Variants in KLHDC4 observed in about 807,000 individuals in gnomAD.
KLHDC4 encodes kelch domain containing 4, also known as kelch domain-containing protein 4.
KLHDC4 carries 90 observed loss-of-function variants against 62.4 expected under a neutral mutation model. The observed-to-expected ratio is 1.44, with a 90% CI of 1.22 to 1.72. The LOEUF is 1.72. KLHDC4 is among the 40% of genes most tolerant of loss of function. KLHDC4 has a pLI of 0.00. For synonymous variants in KLHDC4, 386 were observed against 284.4 expected (o/e 1.36, Z -3.59); for missense variants, 1,025 against 699.7 (o/e 1.47, Z -5.25).
At chr16:87,744,657 CTT>C (rs1427764509) in intron 5 of KLHDC4, among the ~76,000 whole-genome samples, 1 of 151,502 alleles carries the variant, frequency 6.6e-6, no homozygotes, top group Non-Finnish European at 1.5e-5. Flanking sequence ...AAAGCAAAGA[CTT>C]TAAGTAAATG....
intron 5 of KLHDC4, among the ~76,000 whole-genome samples, chr16:87,744,123 A>C (rs553170692): frequency 6.6e-6 from 1 of 152,170 alleles, no homozygotes; most frequent in South Asian, 2.1e-4. Flanking sequence ...TACTAAAAAT[A>C]CAAAAATTAA....
At chr16:87,741,897 T>G (rs563278453) in intron 5 of KLHDC4, among the ~76,000 whole-genome samples, 178 of 152,314 alleles carry the variant, frequency 1.2e-3, no homozygotes, top group Non-Finnish European at 2.1e-3. Flanking sequence ...GAATGCGCAG[T>G]GCAGGGCTGC....
At chr16:87,759,735 C>G (rs2004233) in intron 2 of KLHDC4, among the ~76,000 whole-genome samples, 15 of 152,256 alleles carry the variant, frequency 9.9e-5, no homozygotes, top group African/African-American at 3.6e-4. Context: ...AGCTACACTC[C>G]GTCTCAGAAA....
At chr16:87,745,077 G>A (rs1042248428) in intron 5 of KLHDC4, among the ~76,000 whole-genome samples, 4 of 152,246 alleles carry the variant, frequency 2.6e-5, no homozygotes, top group African/African-American at 9.6e-5. Context: ...TACGAAATAA[G>A]AGGAAGCATT....
At chr16:87,753,176 C>T (rs528799788) in intron 4 of KLHDC4, among the ~76,000 whole-genome samples, 1 of 152,180 alleles carries the variant, frequency 6.6e-6, no homozygotes, top group Non-Finnish European at 1.5e-5. Context: ...GAGAAAAAGC[C>T]CTGGAAATCT....
chr16:87,756,267 G>C (rs2143323307), intron 3 of KLHDC4, 132 bp downstream of exon 3: 2 of 664,206 alleles, frequency 3.0e-6, no homozygotes, highest in East Asian at 2.8e-5. Flanking sequence ...CTCACATCAG[G>C]CCTGACGGCT....
rs143381382 is a variant in KLHDC4, at chr16:87,709,419, T to C, written c.1293A>G (p.Pro431=). 5 of 1,612,998 alleles carry C rather than the reference T, an allele frequency of 3.1e-6. No individual in the cohort carries two copies. Among genetic ancestry groups the C allele is most frequent in the African/African-American group, 2.7e-5 (2 of 74,928 alleles). The change falls in exon 10 of 12, where the codon CCA becomes CCG. Residue 431 remains proline (P), a synonymous_variant. Transcript: ENST00000270583. ...EAGSPAPGPC[P]RSNAMLAVKH... is the part of the protein sequence containing the mutation. ...TCACAGCCAGCATGGCGTTGGAGCG[T>C]GGACACGGCCCAGGTGCGGGGCTGC...
downstream of KLHDC4, among the ~76,000 whole-genome samples, chr16:87,707,102 C>T (rs2034827781): frequency 6.6e-6 from 1 of 152,262 alleles, no homozygotes; most frequent in African/African-American, 2.4e-5. Flanking sequence ...ACAAAAACTG[C>T]ACCAGGTGTG....
rs2035804562 is a variant in KLHDC4, at chr16:87,711,418, G to A, written c.861C>T (p.Asn287=). 1 of 1,612,192 alleles carries A rather than the reference G, an allele frequency of 6.2e-7. No homozygotes were observed. ...GTGGGGTGGGCTTGACCCCCGAAGGGTTCATCCGAGTCCAAACCCACTTGT... is the reference window on the plus strand; with the variant it reads ...GTGGGGTGGGCTTGACCCCCGAAGGATTCATCCGAGTCCAAACCCACTTGT... ...REDKWVWTRM[N]PSGVKPTPRS... is the part of the protein sequence containing the mutation. Residue 287 remains asparagine (N), a synonymous_variant, in exon 9 of 12, where the codon AAC becomes AAT. Coordinates refer to ENST00000270583, the MANE Select transcript of KLHDC4 (RefSeq NM_017566.4).
At position 87,714,502 on chromosome 16, in the gene KLHDC4, T is replaced by G; in HGVS notation, c.831A>C (p.Arg277Ser). The stretch of plus-strand genomic sequence containing the variant: ...CTGGAGGCACAGCACCTCTACCTTC[T>G]CTTCCGTCCTCTGGCTTCAGCAGGA... Reference protein sequence around the residue: ...DMFLLKPEDGREDKWVWTRMN... With the variant: ...DMFLLKPEDGSEDKWVWTRMN... Residue 277 changes from arginine (R) to serine (S), a missense_variant, in exon 8 of 12, where the codon AGA becomes AGC. Coordinates refer to ENST00000270583, the MANE Select transcript of KLHDC4 (RefSeq NM_017566.4). The G allele has an allele frequency of 6.2e-7, 1 of 1,614,144 alleles. No homozygotes were observed. The highest frequency in any genetic ancestry group is 8.5e-7 in the Non-Finnish European group (1 of 1,180,020).
chr16:87,743,657 G>A (rs549949158), intron 5 of KLHDC4, among the ~76,000 whole-genome samples: 150 of 151,428 alleles, frequency 9.9e-4, no homozygotes, highest in Admixed American at 3.4e-3. Flanking sequence ...AGATAATGGC[G>A]TGAACCCAGG....
chr16:87,711,953 G>GCCCTGCACGGGGACCCTCCA (rs2035958659), intron 8 of KLHDC4, among the ~76,000 whole-genome samples: 1 of 148,568 alleles, frequency 6.7e-6, no homozygotes, highest in African/African-American at 2.5e-5. Context: ...GGGACCCTCC[G>GCCCTGCACGGGGACCCTCCA]CCCTGCAAGG....
In KLHDC4 at chr16:87,711,439, C is replaced by A. The variant is rs1366418931; in HGVS notation, c.840G>T (p.Lys280Asn). ...LLKPEDGREDKWVWTRMNPSG... is the reference protein window; with the variant it reads ...LLKPEDGREDNWVWTRMNPSG... The stretch of plus-strand genomic sequence containing the variant: ...AAGGGTTCATCCGAGTCCAAACCCA[C>A]TTGTCTGTCAAAAGAGAACAAGGAA... Residue 280 changes from lysine to asparagine, a missense_variant, in exon 9 of 12, where the codon AAG becomes AAT. Physicochemically the swap from Lys to Asn is moderately conservative, Grantham distance 94. Transcript: ENST00000270583. 2 of 1,608,528 alleles carry A rather than the reference C, an allele frequency of 1.2e-6. No homozygotes were observed. Among genetic ancestry groups the A allele is most frequent in the Non-Finnish European group, 1.7e-6 (2 of 1,178,448 alleles).
chr16:87,748,554 G>C, intron 5 of KLHDC4, 119 bp downstream of exon 5: 1 of 1,303,258 alleles, frequency 7.7e-7, no homozygotes, highest in Non-Finnish European at 1.1e-6. Context: ...TGGGCTCCAG[G>C]ACTGTGACCC....
chr16:87,763,153 T>C (rs1178957758), intron 1 of KLHDC4, among the ~76,000 whole-genome samples: 9 of 152,116 alleles, frequency 5.9e-5, no homozygotes, highest in Admixed American at 5.9e-4. Flanking sequence ...GTTCCCAGGG[T>C]AAGGAATAAA....
chr16:87,731,558 C>T (rs2040375932), intron 5 of KLHDC4, among the ~76,000 whole-genome samples: 1 of 151,944 alleles, frequency 6.6e-6, no homozygotes, highest in African/African-American at 2.4e-5. Context: ...GACTTCCTAC[C>T]ACACATGGCT....
exon 1 of KLHDC4, chr16:87,701,937 G>A (rs2034162941): frequency 2.2e-6 from 1 of 456,310 alleles, no homozygotes; most frequent in Middle Eastern, 3.3e-4. Context: ...TCCCAGCAGT[G>A]GTAGATGGGG....
At position 87,756,404 on chromosome 16, in the gene KLHDC4, G is replaced by C; in HGVS notation, c.265C>G (p.Gln89Glu). The change falls in exon 3 of 12, where the codon CAA (glutamine) becomes GAA (glutamate). Residue 89 changes from glutamine to glutamate, a missense_variant. Gln to Glu is a conservative substitution (Grantham distance 29). Coordinates refer to ENST00000270583, the MANE Select transcript of KLHDC4 (RefSeq NM_017566.4). ...ILFGGEYFNG[Q>E]KTFLYNELYV... ...GAAAAAAATATATACTTTACTTTTT[G>C]GCCGTTGAAATATTCACCTCCAAAA... 2 of 1,609,552 alleles carry C rather than the reference G, an allele frequency of 1.2e-6. No individual in the cohort carries two copies. Among genetic ancestry groups the C allele is most frequent in the Non-Finnish European group, 1.7e-6 (2 of 1,176,134 alleles).
chr16:87,704,926 G>T (rs1052697916), downstream of KLHDC4, among the ~76,000 whole-genome samples: 2 of 152,190 alleles, frequency 1.3e-5, no homozygotes, highest in Admixed American at 1.3e-4. Flanking sequence ...GCGCATGGGC[G>T]GCAGGGGGAG....
Sources: allele counts gnomAD v4.1 joint callset (sites outside exome capture counted in the v4.1 genomes callset), GRCh38; gene constraint gnomAD v4.1.1; transcripts MANE v1.5; gene names NCBI Gene and HGNC (gene_info 2026-07-23, HGNC 2026-07-21).